The following KHNYN variants were observed in gnomAD, a reference collection of about 807,000 sequenced individuals.
KHNYN encodes KH and NYN domain containing, also known as protein KHNYN.
Under a neutral mutation model 62.7 loss-of-function variants are expected in KHNYN, and 42 were observed. The ratio of observed to expected loss-of-function variants is 0.67; its 90% confidence interval spans 0.52 to 0.87. The LOEUF (loss-of-function observed/expected upper bound fraction) is 0.87. Ranked by LOEUF, KHNYN falls within the 40% of genes least tolerant of loss-of-function variation. The pLI is 0.00. For synonymous variants in KHNYN, 347 were observed against 345.6 expected, an observed-to-expected ratio of 1.00 and a Z score of -0.04; for missense variants, 829 against 874.1, an observed-to-expected ratio of 0.95 and a Z score of 0.65.
chr14:24,434,926 C>T (rs1412138328), intron 5 of KHNYN, among the ~76,000 whole-genome samples: 2 of 152,168 alleles, frequency 1.3e-5, no homozygotes, highest in African/African-American at 4.8e-5. Flanking sequence ...ATAAATCAAA[C>T]ACTACAGGAA....
rs764537115 is a variant in KHNYN, at chr14:24,440,160, G to A, written c.*2875G>A. On this transcript the variant is annotated 3_prime_UTR_variant, in exon 8 of 8. Coordinates refer to ENST00000553935, the MANE Select transcript of KHNYN (RefSeq NM_015299.3). ...TAGCCAGTGGCCAGTGTTCGCTGTG[G>A]GATCACCTTCTGGCCCTCCAGCAGC... is the stretch of plus-strand genomic sequence containing the variant. 1.9e-6 allele frequency: 3 copies of A among 1,613,602 alleles called. No individual in the cohort carries two copies. Among genetic ancestry groups the A allele is most frequent in the Non-Finnish European group, 1.7e-6 (2 of 1,179,710 alleles).
intron 5 of KHNYN, chr14:24,435,781 T>G (rs1276561102): frequency 4.4e-6 from 2 of 455,898 alleles, no homozygotes; most frequent in Non-Finnish European, 7.9e-6. Context: ...TCTAGTCAGT[T>G]GCCTGTAGCT....
Position 24,437,207 on chromosome 14 carries a change from G to A in KHNYN, c.1959G>A (p.Val653=), listed in dbSNP as rs1566502374. ...TGTTTTGGGGTCAGGATCACAAAGTGGACTTCATCCTGCAGCGGGAGCCAT... is the reference window on the plus strand; with the variant it reads ...TGTTTTGGGGTCAGGATCACAAAGTAGACTTCATCCTGCAGCGGGAGCCAT... ...LEVFWGQDHK[V]DFILQREPYC... is the part of the protein sequence containing the mutation. Residue 653 remains valine, a synonymous_variant, in exon 8 of 8, where the codon GTG becomes GTA. Coordinates refer to ENST00000553935, the MANE Select transcript of KHNYN (RefSeq NM_015299.3). This position sits in a 1 kb window ranked among gnomAD's most constrained non-coding sequence, Gnocchi z 5.5. 4.3e-6 allele frequency: 7 copies of A among 1,614,218 alleles called. No individual in the cohort carries two copies. Among genetic ancestry groups the A allele is most frequent in the Middle Eastern group, 1.6e-4 (1 of 6,062 alleles).
Position 24,440,539 on chromosome 14 carries a change from G to A in KHNYN, c.*3254G>A. ...GTACAGGGGTCCTCTCAGCCTTGAA[G>A]GAGCCCACTGCTCCTCCTGGTTTCT... On this transcript the variant is annotated 3_prime_UTR_variant, in exon 8 of 8. Transcript: ENST00000553935. 6.4e-7 allele frequency: 1 copy of A among 1,552,940 alleles called. No individual in the cohort carries two copies. Among genetic ancestry groups the A allele is most frequent in the Non-Finnish European group, 8.7e-7 (1 of 1,145,100 alleles).
At chr14:24,431,215 A>G (rs1053268305) in intron 2 of KHNYN, among the ~76,000 whole-genome samples, 2 of 152,178 alleles carry the variant, frequency 1.3e-5, no homozygotes, top group African/African-American at 4.8e-5. Context: ...AGTTGGCCCC[A>G]CCAAGGAATG....
At chr14:24,433,848 TACAAGGC>T (rs1389442462) in intron 5 of KHNYN, among the ~76,000 whole-genome samples, 2 of 152,158 alleles carry the variant, frequency 1.3e-5, no homozygotes, top group Non-Finnish European at 2.9e-5. Context: ...TGAATGAAAA[TACAAGGC>T]ACACTTCTAC....
upstream of KHNYN, among the ~76,000 whole-genome samples, chr14:24,426,121 A>T (rs1053592621): frequency 8.5e-5 from 13 of 152,210 alleles, no homozygotes; most frequent in African/African-American, 3.1e-4. Context: ...TTTGAATATC[A>T]TTGCAGGTAC....
Position 24,431,626 on chromosome 14 carries a change from G to A in KHNYN, c.365G>A (p.Ser122Asn), listed in dbSNP as rs773625974. 2 of 1,613,714 alleles carry A rather than the reference G, an allele frequency of 1.2e-6. No homozygotes were observed. Among genetic ancestry groups the A allele is most frequent in the South Asian group, 2.2e-5 (2 of 91,064 alleles). Residue 122 changes from serine to asparagine, a missense_variant, in exon 3 of 8, where the codon AGT (serine) becomes AAT (asparagine). Physicochemically the swap from Ser to Asn is conservative, Grantham distance 46. This residue lies in a region of KHNYN where 559 missense variants were observed against 527.0 expected (regional missense o/e 1.06). Coordinates refer to ENST00000553935, the MANE Select transcript of KHNYN (RefSeq NM_015299.3). ...AGGGCGCCAGGCTCACTGATGATCAGTGGCCTGACTGAAGCCTTTGTCATG... is the reference window on the plus strand; with the variant it reads ...AGGGCGCCAGGCTCACTGATGATCAATGGCCTGACTGAAGCCTTTGTCATG... Reference protein sequence around the residue: ...VPRAPGSLMISGLTEAFVMAQ... With the variant: ...VPRAPGSLMINGLTEAFVMAQ...
intron 1 of KHNYN, chr14:24,430,465 G>A: frequency 7.5e-7 from 1 of 1,333,490 alleles, no homozygotes; most frequent in Admixed American, 3.3e-5. Context: ...TCCGGACTGT[G>A]GTCATCCTTT....
chr14:24,428,769 T>C (rs1192320762), upstream of KHNYN: 1 of 1,595,250 alleles, frequency 6.3e-7, no homozygotes, highest in Non-Finnish European at 8.6e-7. Flanking sequence ...TCGAAGTAGA[T>C]GGCCCCACTG....
At chr14:24,428,284 A>C, upstream of KHNYN, 1 of 1,613,602 alleles carries the variant, frequency 6.2e-7, no homozygotes, top group Non-Finnish European at 8.5e-7. Context: ...TGCTGAGGTC[A>C]CCTGGACAGT....
chr14:24,428,957 T>C, upstream of KHNYN: 4 of 1,552,280 alleles, frequency 2.6e-6, no homozygotes, highest in Non-Finnish European at 3.5e-6. Context: ...TGACCCCTCC[T>C]GGGCCCACCC....
upstream of KHNYN, chr14:24,429,599 C>T: frequency 1.1e-6 from 1 of 899,792 alleles, no homozygotes; most frequent in Non-Finnish European, 1.5e-6. Context: ...TCCCGCCTCC[C>T]GCCTACCCCC....
At chr14:24,433,917 TA>T (rs1186545511) in intron 5 of KHNYN, among the ~76,000 whole-genome samples, 1 of 152,240 alleles carries the variant, frequency 6.6e-6, no homozygotes, top group African/African-American at 2.4e-5. Flanking sequence ...AAAGCCAAGT[TA>T]AAAAATTTAC....
chr14:24,433,141 T>TG (rs1255417056), intron 5 of KHNYN, 109 bp downstream of exon 5: 4 of 1,031,614 alleles, frequency 3.9e-6, no homozygotes, highest in Non-Finnish European at 6.0e-6. Context: ...GCCTTGGTGG[T>TG]GGGTAAGGGG....
rs2139411546 is a variant in KHNYN at position 24,440,823 on chromosome 14, C to T, written c.*3538C>T. Reference sequence around the variant, plus strand: ...CCTGGCGTGTAGAATCTCCAGGAAGCCTGGCTGCAGCTTCCCATTTGGTTA... The same window carrying T: ...CCTGGCGTGTAGAATCTCCAGGAAGTCTGGCTGCAGCTTCCCATTTGGTTA... On this transcript the variant is annotated 3_prime_UTR_variant, in exon 8 of 8. Coordinates refer to ENST00000553935, the MANE Select transcript of KHNYN (RefSeq NM_015299.3). The T allele has an allele frequency of 3.1e-6, 5 of 1,614,034 alleles. No homozygotes were observed. Among genetic ancestry groups the T allele is most frequent in the Non-Finnish European group, 2.5e-6 (3 of 1,179,884 alleles).
chr14:24,430,563 T>A, intron 1 of KHNYN, 151 bp from the exon 2 acceptor site: 1 of 1,427,974 alleles, frequency 7.0e-7, no homozygotes, highest in Non-Finnish European at 9.2e-7. Flanking sequence ...ACACCCTCCC[T>A]ACCTCCAGTG....
At chr14:24,433,996 A>G (rs997089975) in intron 5 of KHNYN, 1 of 259,886 alleles carries the variant, frequency 3.8e-6, no homozygotes. Flanking sequence ...TAGTGATTAT[A>G]TACTTTGTCT....
intron 5 of KHNYN, among the ~76,000 whole-genome samples, chr14:24,435,246 T>C (rs1378941634): frequency 6.6e-6 from 1 of 152,086 alleles, no homozygotes; most frequent in Non-Finnish European, 1.5e-5. Flanking sequence ...GAGAGCAGAG[T>C]GTAATCTGAT....
Sources: gnomAD v4.1 joint callset for allele counts (sites outside exome capture counted in the v4.1 genomes callset) on GRCh38, gnomAD v4.1.1 for gene constraint, gnomAD v4.1.1 regional missense constraint, Gnocchi (gnomAD v3.1) non-coding constraint, MANE v1.5 for transcripts, NCBI Gene and HGNC (gene_info 2026-07-23, HGNC 2026-07-21) for gene names.